Variants in FHIT observed in about 807,000 individuals in gnomAD.
The protein encoded by FHIT is bis(5'-adenosyl)-triphosphatase.
A neutral mutation model predicts 17.9 loss-of-function variants in FHIT; 19 were observed. The ratio of observed to expected loss-of-function variants is 1.06; its 90% confidence interval spans 0.74 to 1.56. The LOEUF is 1.56. Ranked by LOEUF, FHIT falls within the 40% of genes most tolerant of loss-of-function variation. The pLI, the probability that FHIT is intolerant of heterozygous loss-of-function variation, is 0.00. For synonymous variants in FHIT, 81 were observed against 69.7 expected, an observed-to-expected ratio of 1.16 and a Z score of -0.81; for missense variants, 248 against 189.2, an observed-to-expected ratio of 1.31 and a Z score of -1.82.
chr3:60,338,186 CA>C (rs1445438543), intron 5 of FHIT, among the ~76,000 whole-genome samples: 1 of 152,128 alleles, frequency 6.6e-6, no homozygotes, highest in Non-Finnish European at 1.5e-5. Flanking sequence ...AGAAATTGCT[CA>C]AATTCCACCA....
chr3:60,177,283 TAGA>T (rs1559701543), intron 5 of FHIT, among the ~76,000 whole-genome samples: 2 of 146,398 alleles, frequency 1.4e-5, no homozygotes, highest in South Asian at 4.3e-4. Context: ...AAAAAAAAGC[TAGA>T]AGAAGTTGAA....
At chr3:60,021,511 A>G (rs866304952) in intron 5 of FHIT, among the ~76,000 whole-genome samples, 4 of 152,190 alleles carry the variant, frequency 2.6e-5, no homozygotes, top group Admixed American at 6.5e-5. Context: ...TCATATCTGG[A>G]AAAAAATATG....
chr3:60,017,731 T>C (rs964525673), intron 5 of FHIT, among the ~76,000 whole-genome samples: 2 of 152,210 alleles, frequency 1.3e-5, no homozygotes. Flanking sequence ...TTTAGGTGTT[T>C]TTGCTGCATT....
chr3:59,883,294 T>C (rs1703483726), intron 8 of FHIT, among the ~76,000 whole-genome samples: 1 of 152,174 alleles, frequency 6.6e-6, no homozygotes, highest in Non-Finnish European at 1.5e-5. Flanking sequence ...TTAGTCTGTT[T>C]TCATGCTGCT....
At chr3:59,801,669 C>T (rs1176869860) in intron 8 of FHIT, among the ~76,000 whole-genome samples, 1 of 152,044 alleles carries the variant, frequency 6.6e-6, no homozygotes, top group African/African-American at 2.4e-5. Flanking sequence ...ACCAAGCATT[C>T]GCTACGCATA....
chr3:61,249,957 C>T (rs2040575744), intron 1 of FHIT, among the ~76,000 whole-genome samples: 1 of 149,676 alleles, frequency 6.7e-6, no homozygotes, highest in South Asian at 2.1e-4. Flanking sequence ...CACACACACA[C>T]ACACACACAC....
intron 5 of FHIT, among the ~76,000 whole-genome samples, chr3:60,034,611 G>A (rs1414287320): frequency 6.6e-6 from 1 of 152,136 alleles, no homozygotes; most frequent in African/African-American, 2.4e-5. Flanking sequence ...TATAAAGGCT[G>A]TCATCATATA....
chr3:61,142,705 C>T (rs919930877), intron 2 of FHIT, among the ~76,000 whole-genome samples: 3 of 152,130 alleles, frequency 2.0e-5, no homozygotes, highest in Non-Finnish European at 4.4e-5. Flanking sequence ...ATTATCTGTA[C>T]ATTAACATTT....
intron 3 of FHIT, among the ~76,000 whole-genome samples, chr3:60,895,062 A>G (rs1188820674): frequency 5.9e-5 from 9 of 152,152 alleles, no homozygotes; most frequent in African/African-American, 2.2e-4. Context: ...CCTCCAGTCT[A>G]GGATCGCACT....
intron 5 of FHIT, among the ~76,000 whole-genome samples, chr3:60,192,264 A>AG (rs1433983651): frequency 1.3e-5 from 2 of 151,728 alleles, no homozygotes; most frequent in African/African-American, 4.8e-5. Context: ...AAAAAAAAAA[A>AG]AAAAGTTAAA....
At chr3:60,226,720 T>A (rs9880343) in intron 5 of FHIT, among the ~76,000 whole-genome samples, 42 of 151,790 alleles carry the variant, frequency 2.8e-4, no homozygotes, top group Non-Finnish European at 8.8e-5. Flanking sequence ...ACTTATGGGG[T>A]CACATGGATG....
At chr3:60,092,301 T>C (rs956782747) in intron 5 of FHIT, among the ~76,000 whole-genome samples, 9 of 152,218 alleles carry the variant, frequency 5.9e-5, no homozygotes, top group Admixed American at 5.9e-4. Context: ...TACATAAAGA[T>C]CTACAGTCTT....
chr3:60,460,328 G>A (rs930615847), intron 5 of FHIT, among the ~76,000 whole-genome samples: 3 of 151,950 alleles, frequency 2.0e-5, no homozygotes, highest in Non-Finnish European at 4.4e-5. Flanking sequence ...GAAGTTCCAC[G>A]GCTTTGGACT....
At chr3:61,212,443 G>A (rs1307534993) in intron 1 of FHIT, among the ~76,000 whole-genome samples, 1 of 152,158 alleles carries the variant, frequency 6.6e-6, no homozygotes, top group African/African-American at 2.4e-5. Flanking sequence ...AAGAAGAGAA[G>A]TTTAGAGAAA....
intron 3 of FHIT, among the ~76,000 whole-genome samples, chr3:60,860,403 GAC>G (rs1559778890): frequency 2.9e-5 from 4 of 138,118 alleles, no homozygotes; most frequent in East Asian, 2.1e-4. Flanking sequence ...ATGTATATAT[GAC>G]ATACATCATA....
chr3:61,032,385 G>C (rs754274576), intron 3 of FHIT, among the ~76,000 whole-genome samples: 31 of 152,132 alleles, frequency 2.0e-4, no homozygotes, highest in Non-Finnish European at 2.8e-4. Flanking sequence ...ACTACCAGAA[G>C]GTGAATCTTC....
intron 5 of FHIT, among the ~76,000 whole-genome samples, chr3:60,389,917 T>C (rs754867151): frequency 5.3e-5 from 8 of 152,144 alleles, no homozygotes; most frequent in Non-Finnish European, 1.2e-4. Context: ...CACAAGTTCA[T>C]GGGGACTTAG....
intron 4 of FHIT, among the ~76,000 whole-genome samples, chr3:60,547,091 C>T (rs2036392244): frequency 6.6e-6 from 1 of 152,088 alleles, no homozygotes; most frequent in Non-Finnish European, 1.5e-5. Flanking sequence ...AAACTGTCTC[C>T]AAGACTGAGA....
chr3:60,690,264 A>T (rs1004548589), intron 4 of FHIT: 3 of 546,720 alleles, frequency 5.5e-6, no homozygotes, highest in South Asian at 4.2e-5. Context: ...CCTTCTTGCT[A>T]GTCTTGCCAT....
Sources: allele counts gnomAD v4.1 joint callset (sites outside exome capture counted in the v4.1 genomes callset), GRCh38; gene constraint gnomAD v4.1.1; transcripts MANE v1.5; gene names NCBI Gene and HGNC (gene_info 2026-07-23, HGNC 2026-07-21).